The following DNAAF5 variants were observed in gnomAD, a reference collection of about 807,000 sequenced individuals.
DNAAF5 encodes HEAT repeat containing 2.
DNAAF5 carries 64 observed loss-of-function variants against 75.8 expected under a neutral mutation model. The ratio of observed to expected loss-of-function variants is 0.84; its 90% confidence interval spans 0.69 to 1.04. The LOEUF is 1.04. DNAAF5 is among the 50% of genes least tolerant of loss of function. The probability of loss-of-function intolerance (pLI) is 0.00; values close to 1 mark genes in which losing one functional copy is unlikely to be tolerated. For missense variants in DNAAF5, 1,269 were observed against 1,178.5 expected (o/e 1.08, Z -1.12); for synonymous variants, 657 against 557.2 (o/e 1.18, Z -2.52).
Position 729,861 on chromosome 7 carries a change from C to T in DNAAF5, c.780+14C>T. On this transcript the variant is annotated intron_variant, in intron 2 of 12. Coordinates refer to ENST00000297440, the MANE Select transcript of DNAAF5 (RefSeq NM_017802.4). The stretch of plus-strand genomic sequence containing the variant: ...GACGTCCCGCAGGTAACTGGTGTTT[C>T]TCCTGGACAGTCTGTTCCTCTCTCC... 1.2e-6 allele frequency: 2 copies of T among 1,613,376 alleles called. No individual in the cohort carries two copies. The highest frequency in any genetic ancestry group is 8.5e-7 in the Non-Finnish European group (1 of 1,179,458).
At chr7:774,947 C>A (rs1583518578) in intron 10 of DNAAF5, 59 bp from the exon 11 acceptor site, 1 of 1,518,078 alleles carries the variant, frequency 6.6e-7, no homozygotes, top group East Asian at 2.3e-5. Context: ...GGATGGTGAG[C>A]ACCCCCACCC....
At chr7:783,530 G>A (rs905121575) in intron 12 of DNAAF5, among the ~76,000 whole-genome samples, 9 of 152,212 alleles carry the variant, frequency 5.9e-5, no homozygotes, top group African/African-American at 1.9e-4. Flanking sequence ...CTTGAGTCGT[G>A]GAATCAGGTT....
At chr7:768,855 C>T (rs1055939651) in intron 8 of DNAAF5, 1 of 393,564 alleles carries the variant, frequency 2.5e-6, no homozygotes, top group Non-Finnish European at 4.6e-6. Flanking sequence ...TGTCTTGTTT[C>T]CAGTTTAAGA....
intron 11 of DNAAF5, among the ~76,000 whole-genome samples, chr7:777,070 G>A (rs1321697063): frequency 2.0e-5 from 3 of 152,192 alleles, no homozygotes; most frequent in Non-Finnish European, 4.4e-5. Flanking sequence ...ACATGGGACC[G>A]TCTAGTTGCA....
At chr7:757,072 C>A in intron 6 of DNAAF5, 78 bp downstream of exon 6, 2 of 1,397,240 alleles carry the variant, frequency 1.4e-6, no homozygotes, top group African/African-American at 1.4e-5. Context: ...AATGACATGT[C>A]TGTGGGTTGC....
intron 6 of DNAAF5, among the ~76,000 whole-genome samples, chr7:757,238 TCCAGCCCCAGCC>T (rs1321157735): frequency 6.6e-6 from 1 of 152,338 alleles, no homozygotes; most frequent in South Asian, 2.1e-4. Flanking sequence ...TGTGCAGAGC[TCCAGCCCCAGCC>T]CCAGCCCCAG....
At chr7:764,151 A>G (rs1386255796) in intron 8 of DNAAF5, among the ~76,000 whole-genome samples, 177 bp downstream of exon 8, 3 of 152,258 alleles carry the variant, frequency 2.0e-5, no homozygotes, top group African/African-American at 4.8e-5. Flanking sequence ...TTTAAGGAGC[A>G]TCGCATTGAA....
chr7:741,283 C>T, intron 3 of DNAAF5, 64 bp from the exon 4 acceptor site: 1 of 1,245,256 alleles, frequency 8.0e-7, no homozygotes, highest in Non-Finnish European at 1.1e-6. Flanking sequence ...TGTCCTGGCG[C>T]AGCCCTGCGG....
chr7:743,912 TTTTATTA>T (rs1013742945), intron 4 of DNAAF5, among the ~76,000 whole-genome samples: 119 of 150,148 alleles, frequency 7.9e-4, no homozygotes, highest in African/African-American at 2.7e-3. Context: ...TTTTTTATTT[TTTTATTA>T]TTTATTATTT....
intron 11 of DNAAF5, chr7:778,058 AC>A (rs1286532124): frequency 6.6e-6 from 1 of 151,624 alleles, no homozygotes; most frequent in Non-Finnish European, 1.5e-5. Context: ...GGGCAGAAAA[AC>A]CGCCGCCTGC....
At chr7:768,211 C>G (rs776904433) in intron 8 of DNAAF5, among the ~76,000 whole-genome samples, 2 of 142,252 alleles carry the variant, frequency 1.4e-5, no homozygotes, top group Non-Finnish European at 1.5e-5. Flanking sequence ...GGAGCTCGCA[C>G]TGGGAGGGGA....
chr7:744,869 C>T (rs2128074321), intron 4 of DNAAF5, among the ~76,000 whole-genome samples: 1 of 152,276 alleles, frequency 6.6e-6, no homozygotes, highest in South Asian at 2.1e-4. Flanking sequence ...TCCCAAAGTG[C>T]TGGTATTACA....
At chr7:746,783 C>T (rs1394045247) in intron 4 of DNAAF5, among the ~76,000 whole-genome samples, 9 of 152,152 alleles carry the variant, frequency 5.9e-5, no homozygotes, top group African/African-American at 1.9e-4. Flanking sequence ...TGAGCAGCAC[C>T]GCCTCTGTCC....
At chr7:773,240 T>C (rs1399079098) in intron 9 of DNAAF5, among the ~76,000 whole-genome samples, 1 of 152,188 alleles carries the variant, frequency 6.6e-6, no homozygotes, top group Non-Finnish European at 1.5e-5. Flanking sequence ...CCACATCTGC[T>C]CATCTACCTG....
chr7:780,357 C>T (rs1038962180), intron 12 of DNAAF5, among the ~76,000 whole-genome samples: 3 of 152,216 alleles, frequency 2.0e-5, no homozygotes, highest in South Asian at 2.1e-4. Context: ...GAAATCAAAA[C>T]TGAGAGTATT....
Position 774,721 on chromosome 7 carries a change from C to T in DNAAF5, c.2083-285C>T, listed in dbSNP as rs184154879. Among the ~76,000 whole-genome samples, 475 of 152,296 alleles carry T rather than the reference C, an allele frequency of 3.1e-3. 3 individuals carry two copies. Among genetic ancestry groups the T allele is most frequent in the African/African-American group, 0.011 (454 of 41,576 alleles). On this transcript the variant is annotated intron_variant, in intron 10 of 12. Transcript: ENST00000297440. ...CACGCGGGGTGGTGCGGTCGGTGCT[C>T]CAGCCGAAAGCCCCACGTCCTTGGG...
chr7:769,972 G>T (rs562694199), intron 8 of DNAAF5, among the ~76,000 whole-genome samples: 54 of 151,662 alleles, frequency 3.6e-4, no homozygotes, highest in Non-Finnish European at 4.3e-4. Flanking sequence ...GTTTTTTTGA[G>T]ACATAGTCTC....
chr7:782,980 G>A (rs1021631246), intron 12 of DNAAF5, among the ~76,000 whole-genome samples: 2 of 152,264 alleles, frequency 1.3e-5, no homozygotes, highest in African/African-American at 4.8e-5. Flanking sequence ...GTTACGCAAC[G>A]TCAGAAACTC....
chr7:745,429 C>CACAA (rs1554251996), intron 4 of DNAAF5, among the ~76,000 whole-genome samples: 1 of 63,438 alleles, frequency 1.6e-5, no homozygotes, highest in African/African-American at 6.1e-5. Flanking sequence ...CACACGCATA[C>CACAA]ACACACACAC....
Sources: allele counts gnomAD v4.1 joint callset (sites outside exome capture counted in the v4.1 genomes callset), GRCh38; gene constraint gnomAD v4.1.1; transcripts MANE v1.5; gene names NCBI Gene and HGNC (gene_info 2026-07-23, HGNC 2026-07-21).